SPTAN1: variants seen among roughly 807,000 people sequenced by gnomAD.
SPTAN1 encodes spectrin alpha, non-erythrocytic 1, also known as spectrin alpha chain, non-erythrocytic 1.
In SPTAN1, 61 loss-of-function variants were observed where a neutral mutation model predicts 331.3. The observed-to-expected ratio is 0.18, with a 90% CI of 0.15 to 0.23. SPTAN1 has a LOEUF of 0.23. Ranked by LOEUF, SPTAN1 falls within the 10% of genes least tolerant of loss-of-function variation. The pLI is 1.00. For missense variants in SPTAN1, 2,043 were observed against 3,147.9 expected (o/e 0.65, Z 8.40); for synonymous variants, 1,153 against 1,173.9 (o/e 0.98, Z 0.36).
At chr9:128,572,336 A>G (rs887201880) in intron 3 of SPTAN1, among the ~76,000 whole-genome samples, 2 of 152,096 alleles carry the variant, frequency 1.3e-5, no homozygotes, top group African/African-American at 2.4e-5. Context: ...TATGAAGTGC[A>G]CCTGCCTCCC....
intron 9 of SPTAN1, 135 bp downstream of exon 9, chr9:128,578,380 G>A: frequency 7.8e-7 from 1 of 1,279,514 alleles, no homozygotes; most frequent in Non-Finnish European, 1.1e-6. Flanking sequence ...GAGGATTATG[G>A]TTGGTTTTGC....
At chr9:128,610,725 G>A (rs371912740) in intron 37 of SPTAN1, among the ~76,000 whole-genome samples, 1 of 151,978 alleles carries the variant, frequency 6.6e-6, no homozygotes, top group East Asian at 1.9e-4. Flanking sequence ...CATATCAGGC[G>A]CCCAGGATCA....
At chr9:128,579,854 ACTTTC>A in intron 10 of SPTAN1, 116 bp downstream of exon 10, 1 of 879,736 alleles carries the variant, frequency 1.1e-6, no homozygotes, top group Non-Finnish European at 1.8e-6. Flanking sequence ...TATGTGAGAA[ACTTTC>A]CTTTCTCTGC....
Position 128,613,367 on chromosome 9 carries a change from G to GTT in SPTAN1, c.5044-11_5044-10dup, listed in dbSNP as rs575530162. 3 of 1,612,218 alleles carry GTT rather than the reference G, an allele frequency of 1.9e-6. No individual in the cohort carries two copies. The highest frequency in any genetic ancestry group is 2.5e-6 in the Non-Finnish European group (3 of 1,178,198). On this transcript the variant is annotated splice_polypyrimidine_tract_variant and intron_variant, in intron 39 of 56. Coordinates refer to ENST00000372739, the MANE Select transcript of SPTAN1 (RefSeq NM_001130438.3). Reference sequence around the variant, plus strand: ...CCACACAGTAGCCTTTGCTTTTTGTGTTTTCATTGCCAGGTGGAGGCCCTG... The same window carrying GTT: ...CCACACAGTAGCCTTTGCTTTTTGTGTTTTTTCATTGCCAGGTGGAGGCCCTG...
chr9:128,562,983 CATGTATGTGTATATATATAT>C (rs1179769702), intron 1 of SPTAN1, among the ~76,000 whole-genome samples: 6,615 of 120,662 alleles, frequency 0.055, 284 homozygotes, highest in East Asian at 0.22. Context: ...TATATATATA[CATGTATGTGTATATATATAT>C]ATATATATAT....
rs777328879 is a variant in SPTAN1 at position 128,583,830 on chromosome 9, G to A, written c.2054G>A (p.Arg685His). The A allele has an allele frequency of 2.5e-6, 4 of 1,614,176 alleles. No homozygotes were observed. Among genetic ancestry groups the A allele is most frequent in the East Asian group, 2.2e-5 (1 of 44,886 alleles). The change falls in exon 16 of 57, where the codon CGC becomes CAC. Residue 685 changes from arginine to histidine, a missense_variant. Around this residue, in one of 12 missense-constraint regions of SPTAN1, gnomAD observed 1,038 missense variants for 1,531.5 expected, o/e 0.68. Transcript: ENST00000372739. ...REANQQQQFN[R>H]NVEDIELWLY... ...GCCAACCAGCAACAGCAATTTAATC[G>A]CAATGTTGAGGATATTGAATTGTGG...
At chr9:128,619,666 A>G (rs1857602137) in intron 44 of SPTAN1, among the ~76,000 whole-genome samples, 1 of 152,148 alleles carries the variant, frequency 6.6e-6, no homozygotes, top group African/African-American at 2.4e-5. Context: ...ACCTCATCTT[A>G]CCTTTGCAGA....
intron 2 of SPTAN1, among the ~76,000 whole-genome samples, chr9:128,568,035 T>G (rs1252971985): frequency 6.6e-6 from 1 of 152,234 alleles, no homozygotes; most frequent in Non-Finnish European, 1.5e-5. Flanking sequence ...GTGCTGGGAT[T>G]ACAGGCGTGA....
At chr9:128,624,247 T>G (rs1858392809) in intron 45 of SPTAN1, 81 bp from the exon 46 acceptor site, 1 of 1,578,344 alleles carries the variant, frequency 6.3e-7, no homozygotes, top group African/African-American at 1.3e-5. Context: ...TTATAGAAGT[T>G]TAGAGCCTTT....
At chr9:128,574,325 A>G (rs977147625) in intron 3 of SPTAN1, among the ~76,000 whole-genome samples, 107 of 148,524 alleles carry the variant, frequency 7.2e-4, no homozygotes, top group Non-Finnish European at 1.3e-3. Context: ...ATATATAACT[A>G]TACAATATAA....
At position 128,633,544 on chromosome 9, in the gene SPTAN1, G is replaced by A; in HGVS notation, c.*210G>A. The A allele has an allele frequency of 9.3e-7, 1 of 1,073,478 alleles. No homozygotes were observed. The highest frequency in any genetic ancestry group is 1.4e-6 in the Non-Finnish European group (1 of 730,040). 66.5% of individuals were successfully genotyped at this position (1,073,478 alleles called of 1,614,324 possible). The stretch of plus-strand genomic sequence containing the variant: ...GGACCCAGATCTGTGTCTTGAAGCA[G>A]CTGCCCTCATTCCGACTTCAGAAAA... On this transcript the variant is annotated 3_prime_UTR_variant, in exon 57 of 57. Transcript: ENST00000372739.
intron 24 of SPTAN1, among the ~76,000 whole-genome samples, chr9:128,595,316 G>A (rs1209937557): frequency 6.6e-6 from 1 of 152,108 alleles, no homozygotes; most frequent in Non-Finnish European, 1.5e-5. Context: ...TGCCATGTTG[G>A]CCAGCCTGGT....
At chr9:128,608,398 C>A in intron 34 of SPTAN1, 122 bp downstream of exon 34, 1 of 1,218,588 alleles carries the variant, frequency 8.2e-7, no homozygotes, top group Non-Finnish European at 1.2e-6. Flanking sequence ...AAAATATGTA[C>A]ATAAATAATC....
At chr9:128,600,171 T>C (rs1404235854) in intron 27 of SPTAN1, 56 bp downstream of exon 27, 14 of 1,565,850 alleles carry the variant, frequency 8.9e-6, no homozygotes, top group Admixed American at 1.7e-5. Flanking sequence ...TCATGAAATA[T>C]GTCCTTTTCT....
chr9:128,579,671 C>G lies in SPTAN1; in HGVS notation c.1256C>G (p.Ser419Cys). The G allele has an allele frequency of 6.2e-7, 1 of 1,614,102 alleles. No individual in the cohort carries two copies. Among genetic ancestry groups the G allele is most frequent in the Non-Finnish European group, 8.5e-7 (1 of 1,179,998 alleles). ...GATGCCCATGAAGACAGCTTCAAAT[C>G]TGCAGATGAATCTGGACAGGCACTG... ...EIDAHEDSFKSADESGQALLA... is the reference protein window; with the variant it reads ...EIDAHEDSFKCADESGQALLA... The change falls in exon 10 of 57, where the codon TCT becomes TGT. Residue 419 changes from serine to cysteine, a missense_variant. Transcript: ENST00000372739.
intron 41 of SPTAN1, 25 bp from the exon 42 acceptor site, chr9:128,617,613 CTG>C (rs766779966): frequency 3.9e-5 from 63 of 1,613,956 alleles, no homozygotes; most frequent in Non-Finnish European, 4.8e-5. Flanking sequence ...CAGAGACTGA[CTG>C]TGCTGTTTCC....
At chr9:128,584,944 G>A in intron 18 of SPTAN1, 101 bp downstream of exon 18, 1 of 1,380,788 alleles carries the variant, frequency 7.2e-7, no homozygotes, top group Non-Finnish European at 1.0e-6. Flanking sequence ...AGGCTCTGGG[G>A]CTGAATACCA....
In SPTAN1 at chr9:128,599,685, TAAAA is replaced by T. The variant is rs5900811; in HGVS notation, c.3544-377_3544-374del. The T allele has an allele frequency of 4.1e-3, 515 of 124,212 alleles. 8 individuals are homozygous for T. The East Asian group carries it at 0.047, about 11-fold the overall frequency. 7.7% of individuals were successfully genotyped at this position (124,212 alleles called of 1,614,324 possible). On this transcript the variant is annotated intron_variant, in intron 26 of 56. Coordinates refer to ENST00000372739, the MANE Select transcript of SPTAN1 (RefSeq NM_001130438.3). ...AGGCATGCAACACAAAGCACAGCTC[TAAAA>T]AAAAAAAAAAAAAAAAAGTCTTCTG...
chr9:128,621,040 A>G, intron 44 of SPTAN1, 118 bp from the exon 45 acceptor site: 2 of 811,246 alleles, frequency 2.5e-6, no homozygotes, highest in Non-Finnish European at 4.4e-6. Context: ...TTCCCCAGCT[A>G]GACTGTAATG....
Sources: allele counts gnomAD v4.1 joint callset (sites outside exome capture counted in the v4.1 genomes callset), GRCh38; gene constraint gnomAD v4.1.1; regional missense constraint gnomAD v4.1.1; transcripts MANE v1.5; gene names NCBI Gene and HGNC (gene_info 2026-07-23, HGNC 2026-07-21).